Variants in CNTNAP2 observed in about 807,000 individuals in gnomAD.
CNTNAP2 encodes the protein contactin associated protein 2.
Under a neutral mutation model 155.2 loss-of-function variants are expected in CNTNAP2, and 98 were observed. The observed-to-expected ratio is 0.63, with a 90% confidence interval of 0.54 to 0.75. The LOEUF is 0.75. Among genes scored for constraint, CNTNAP2 ranks in the 30% least tolerant of loss-of-function variants. CNTNAP2 has a pLI of 0.00. For missense variants in CNTNAP2, 1,727 were observed against 1,688.1 expected (o/e 1.02, Z -0.40); for synonymous variants, 651 against 631.2 (o/e 1.03, Z -0.47).
chr7:147,449,790 T>G (rs1797800223), intron 10 of CNTNAP2, among the ~76,000 whole-genome samples: 1 of 152,214 alleles, frequency 6.6e-6, no homozygotes, highest in Admixed American at 6.5e-5. Flanking sequence ...TTCTTGTTTT[T>G]GATTCTAAAG....
At chr7:147,279,481 A>C (rs1804979464) in intron 8 of CNTNAP2, among the ~76,000 whole-genome samples, 1 of 151,828 alleles carries the variant, frequency 6.6e-6, no homozygotes, top group African/African-American at 2.4e-5. Flanking sequence ...CCTAATAATC[A>C]TATAAACTAC....
At chr7:146,852,870 G>A (rs1019228530) in intron 3 of CNTNAP2, among the ~76,000 whole-genome samples, 2 of 152,104 alleles carry the variant, frequency 1.3e-5, no homozygotes, top group South Asian at 2.1e-4. Context: ...GGGTGAAGTC[G>A]TTGTTTATCT....
Position 146,258,696 on chromosome 7 carries a change from A to C in CNTNAP2, c.97+141723A>C, listed in dbSNP as rs116764474. 5.4e-3 allele frequency among the ~76,000 whole-genome samples: 819 copies of C among 152,314 alleles called. 9 individuals are homozygous for C. The highest frequency in any genetic ancestry group is 0.018 in the African/African-American group (745 of 41,564). On this transcript the variant is annotated intron_variant, in intron 1 of 23. Transcript: ENST00000361727. ...TCTTCTGAAACCTGGTTCCACAGTA[A>C]CATAGTCTCCTGATTTACGAATATA...
intron 1 of CNTNAP2, among the ~76,000 whole-genome samples, chr7:146,403,274 C>G (rs987698031): frequency 3.3e-5 from 5 of 151,994 alleles, no homozygotes; most frequent in Admixed American, 6.6e-5. Flanking sequence ...CAGTAATTAT[C>G]AATAGTCACT....
chr7:147,815,945 C>T (rs1467050982), intron 13 of CNTNAP2, among the ~76,000 whole-genome samples: 1 of 152,140 alleles, frequency 6.6e-6, no homozygotes, highest in Non-Finnish European at 1.5e-5. Context: ...CAAAGATACA[C>T]CCCAGATATC....
At chr7:147,802,066 GTTGCCGGGCGGAGGGT>G (rs1798004275) in intron 13 of CNTNAP2, among the ~76,000 whole-genome samples, 1 of 143,148 alleles carries the variant, frequency 7.0e-6, no homozygotes, top group African/African-American at 2.5e-5. Context: ...AGACGGGGCA[GTTGCCGGGCGGAGGGT>G]CTCCTCACTT....
chr7:147,385,514 A>G (rs1584916121), intron 9 of CNTNAP2, among the ~76,000 whole-genome samples: 1 of 152,370 alleles, frequency 6.6e-6, no homozygotes, highest in African/African-American at 2.4e-5. Flanking sequence ...AATTGTCAAA[A>G]TAAAGGGGCT....
chr7:147,862,188 C>T (rs185737027), intron 13 of CNTNAP2, among the ~76,000 whole-genome samples: 55 of 151,964 alleles, frequency 3.6e-4, no homozygotes, highest in Middle Eastern at 3.4e-3. Flanking sequence ...GATAATAGCC[C>T]GACAAACCAT....
intron 13 of CNTNAP2, among the ~76,000 whole-genome samples, chr7:147,772,446 C>CCATATA (rs71527835): frequency 1.6e-4 from 10 of 63,732 alleles, no homozygotes; most frequent in Non-Finnish European, 2.5e-4. Context: ...CTCTCTCTCG[C>CCATATA]TATATATATA....
rs538374661 is a variant in CNTNAP2 at position 148,034,033 on chromosome 7, A to G, written c.2383+56044A>G. On this transcript the variant is annotated intron_variant, in intron 15 of 23. Coordinates refer to ENST00000361727, the MANE Select transcript of CNTNAP2 (RefSeq NM_014141.6). The stretch of plus-strand genomic sequence containing the variant: ...GAAAAACTCTAGAATAAACAAAGAC[A>G]TAGTAGGAATCATAAAAAAACTGTT... Among the ~76,000 whole-genome samples the G allele has an allele frequency of 1.7e-4, 26 of 152,330 alleles. No individual in the cohort carries two copies. In the South Asian group the frequency reaches 4.8e-3, roughly 28 times the overall value.
At chr7:146,711,243 ATATT>A (rs1490579234) in intron 1 of CNTNAP2, among the ~76,000 whole-genome samples, 4 of 147,130 alleles carry the variant, frequency 2.7e-5, no homozygotes, top group African/African-American at 4.9e-5. Flanking sequence ...ATATACATAT[ATATT>A]TTATATATAC....
At chr7:146,131,888 G>T (rs1349429498) in intron 1 of CNTNAP2, among the ~76,000 whole-genome samples, 2 of 152,074 alleles carry the variant, frequency 1.3e-5, no homozygotes, top group African/African-American at 4.8e-5. Context: ...ATCTGATGGT[G>T]TTAAAAGTGG....
intron 21 of CNTNAP2, among the ~76,000 whole-genome samples, chr7:148,369,426 G>A (rs1365321286): frequency 1.3e-5 from 2 of 151,178 alleles, no homozygotes; most frequent in Non-Finnish European, 2.9e-5. Flanking sequence ...TGCATTGTTA[G>A]TAGAGACAGG....
At chr7:146,710,211 A>G (rs2129174920) in intron 1 of CNTNAP2, among the ~76,000 whole-genome samples, 1 of 152,324 alleles carries the variant, frequency 6.6e-6, no homozygotes, top group Non-Finnish European at 1.5e-5. Context: ...ACCAGGACAC[A>G]AACACAAAAT....
intron 9 of CNTNAP2, among the ~76,000 whole-genome samples, chr7:147,373,534 A>T (rs1330157504): frequency 1.3e-5 from 2 of 152,170 alleles, no homozygotes; most frequent in East Asian, 1.9e-4. Flanking sequence ...CCAATGAAAG[A>T]GTATATGTGT....
At chr7:147,880,568 G>A (rs574021204) in intron 13 of CNTNAP2, among the ~76,000 whole-genome samples, 14 of 151,026 alleles carry the variant, frequency 9.3e-5, no homozygotes, top group African/African-American at 3.2e-4. Flanking sequence ...ATAGAAAGAC[G>A]GGACTTGGAA....
chr7:147,373,114 G>C (rs956758581), intron 9 of CNTNAP2, among the ~76,000 whole-genome samples: 1 of 151,926 alleles, frequency 6.6e-6, no homozygotes, highest in Non-Finnish European at 1.5e-5. Flanking sequence ...CTTTCAAAGG[G>C]CAATTAGCAT....
chr7:146,641,255 G>A (rs191497129), intron 1 of CNTNAP2, among the ~76,000 whole-genome samples: 1 of 152,310 alleles, frequency 6.6e-6, no homozygotes, highest in East Asian at 1.9e-4. Flanking sequence ...TGAACCCAGA[G>A]GCGGAGCTTG....
rs1405829926 is a variant in CNTNAP2 at position 148,281,053 on chromosome 7, A to G, written c.3475+13927A>G. Among the ~76,000 whole-genome samples the G allele has an allele frequency of 5.9e-5, 9 of 152,090 alleles. No individual in the cohort carries two copies. In the East Asian group the frequency reaches 1.5e-3, roughly 26 times the overall value. ...GGGCTAGTGCCATCCACCCTGGGGG[A>G]GCGTGAGGGACAGGAGAGGGACCTG... is the stretch of plus-strand genomic sequence containing the variant. On this transcript the variant is annotated intron_variant, in intron 21 of 23. Coordinates refer to ENST00000361727, the MANE Select transcript of CNTNAP2 (RefSeq NM_014141.6).
Sources: allele counts gnomAD v4.1 joint callset (sites outside exome capture counted in the v4.1 genomes callset), GRCh38; gene constraint gnomAD v4.1.1; transcripts MANE v1.5; gene names NCBI Gene and HGNC (gene_info 2026-07-23, HGNC 2026-07-21).